OTUD7B: variants seen among roughly 807,000 people sequenced by gnomAD.
The protein encoded by OTUD7B is OTU domain-containing protein 7B.
A neutral mutation model predicts 82.2 loss-of-function variants in OTUD7B; 34 were observed. The ratio of observed to expected loss-of-function variants is 0.41; its 90% CI spans 0.31 to 0.55. The LOEUF (loss-of-function observed/expected upper bound fraction) is 0.55, where lower values mean the gene tolerates loss of function less well. Among genes scored for constraint, OTUD7B ranks in the 20% least tolerant of loss-of-function variants. OTUD7B has a pLI of 0.20. For synonymous variants in OTUD7B, 398 were observed against 402.7 expected (o/e 0.99, Z 0.14); for missense variants, 944 against 1,062.1 (o/e 0.89, Z 1.55).
At chr1:150,047,348 C>T in the OTUD7B span, among the ~76,000 whole-genome samples, 1 of 152,122 alleles carries the variant, frequency 6.6e-6, no homozygotes, top group East Asian at 1.9e-4. Context: ...AACTGCAAAC[C>T]TTATGCATCT....
chr1:150,054,936 G>T, the OTUD7B span: 1 of 299,072 alleles, frequency 3.3e-6, no homozygotes, highest in Non-Finnish European at 6.8e-6. Flanking sequence ...TGGACTCACA[G>T]ATTTTAACCA....
intron 1 of OTUD7B, among the ~76,000 whole-genome samples, chr1:150,005,627 GT>G (rs200194429): frequency 0.019 from 2,879 of 150,400 alleles, 78 homozygotes; most frequent in African/African-American, 0.064. Flanking sequence ...ATGTGATTTT[GT>G]TTACTTCTTA....
chr1:149,948,973 C>A lies in OTUD7B; in HGVS notation c.1234G>T (p.Ala412Ser). The A allele has an allele frequency of 6.2e-7, 1 of 1,604,018 alleles. No homozygotes were observed. The highest frequency in any genetic ancestry group is 8.5e-7 in the Non-Finnish European group (1 of 1,170,812). ...AAAAGACTAGGCCTGGCTTACCTGG[C>A]CAATCGGACATTGTCACTATCATCT... Reference protein sequence around the residue: ...GKDDSDNVRLASVILSLEVKL... With the variant: ...GKDDSDNVRLSSVILSLEVKL... The change falls in exon 10 of 12, where the codon GCC (alanine) becomes TCC (serine). Residue 412 changes from alanine (A) to serine (S), a missense_variant. Ala to Ser is a moderately conservative substitution (Grantham distance 99). Transcript: ENST00000581312.
chr1:149,985,970 A>G (rs1553780660), intron 1 of OTUD7B, among the ~76,000 whole-genome samples: 1 of 151,878 alleles, frequency 6.6e-6, no homozygotes, highest in East Asian at 1.9e-4. Context: ...AAACTAACTT[A>G]AGTACTACCT....
the OTUD7B span, among the ~76,000 whole-genome samples, chr1:150,019,845 A>T: frequency 3.3e-5 from 5 of 152,020 alleles, no homozygotes; most frequent in African/African-American, 9.7e-5. Flanking sequence ...TGTTATTTAG[A>T]ACCCAACCAG....
At chr1:150,023,107 G>T in the OTUD7B span, among the ~76,000 whole-genome samples, 1 of 152,142 alleles carries the variant, frequency 6.6e-6, no homozygotes, top group Non-Finnish European at 1.5e-5. Flanking sequence ...GTCACTAGAC[G>T]ACCCAGAATA....
intron 3 of OTUD7B, among the ~76,000 whole-genome samples, chr1:149,968,498 T>C (rs144008117): frequency 1.0e-3 from 156 of 152,260 alleles, no homozygotes; most frequent in Middle Eastern, 6.8e-3. Context: ...AAGCAGATAT[T>C]CCACTGTGAT....
the OTUD7B span, among the ~76,000 whole-genome samples, chr1:150,029,791 G>A: frequency 9.9e-5 from 15 of 152,086 alleles, no homozygotes; most frequent in Admixed American, 2.0e-4. Flanking sequence ...AGATGCTGTC[G>A]TCTCTGAAAT....
the OTUD7B span, among the ~76,000 whole-genome samples, chr1:150,017,331 GA>G: frequency 6.6e-6 from 1 of 152,192 alleles, no homozygotes; most frequent in Admixed American, 6.5e-5. Context: ...GCTGGGTTAA[GA>G]GATTAAAAAA....
intron 1 of OTUD7B, among the ~76,000 whole-genome samples, chr1:149,986,825 G>C (rs1302832099): frequency 1.3e-5 from 2 of 152,180 alleles, no homozygotes; most frequent in African/African-American, 4.8e-5. Flanking sequence ...TAATTGTCTT[G>C]GCAATTTGTT....
the OTUD7B span, among the ~76,000 whole-genome samples, chr1:150,048,866 C>G: frequency 6.6e-6 from 1 of 152,014 alleles, no homozygotes; most frequent in Non-Finnish European, 1.5e-5. Context: ...GGAGTCTCAC[C>G]CTGTCACCCA....
At chr1:150,027,252 A>G in the OTUD7B span, among the ~76,000 whole-genome samples, 8 of 152,188 alleles carry the variant, frequency 5.3e-5, no homozygotes, top group African/African-American at 1.9e-4. Context: ...TCTATAGGGA[A>G]TACAGAGAGG....
chr1:150,051,245 A>AAC, the OTUD7B span, among the ~76,000 whole-genome samples: 1 of 151,148 alleles, frequency 6.6e-6, no homozygotes, highest in South Asian at 2.1e-4. Context: ...AAAAAAAAAA[A>AAC]AAAACCACCA....
the OTUD7B span, among the ~76,000 whole-genome samples, chr1:150,055,200 G>A: frequency 1.3e-5 from 2 of 151,972 alleles, no homozygotes; most frequent in Admixed American, 1.3e-4. Context: ...ACCACGCCCG[G>A]CTAATTTTTT....
the OTUD7B span, among the ~76,000 whole-genome samples, chr1:150,034,321 T>C: frequency 6.6e-6 from 1 of 152,212 alleles, no homozygotes; most frequent in Non-Finnish European, 1.5e-5. Context: ...TCTGCTCCAA[T>C]ATAATAATAA....
chr1:150,056,044 T>C, the OTUD7B span, among the ~76,000 whole-genome samples: 1 of 151,946 alleles, frequency 6.6e-6, no homozygotes, highest in Non-Finnish European at 1.5e-5. Flanking sequence ...AATAAAAGTT[T>C]AAATAAATAA....
At chr1:149,971,589 A>G (rs1649942564) in intron 2 of OTUD7B, among the ~76,000 whole-genome samples, 2 of 152,192 alleles carry the variant, frequency 1.3e-5, no homozygotes, top group Admixed American at 1.3e-4. Context: ...AGTCACAGCT[A>G]GTTCACACCA....
the OTUD7B span, among the ~76,000 whole-genome samples, chr1:150,065,933 TAGTA>T: frequency 5.3e-5 from 8 of 151,416 alleles, no homozygotes; most frequent in African/African-American, 1.2e-4. Flanking sequence ...TGGAATGAGT[TAGTA>T]AGTGTCAAGT....
chr1:149,944,311 G>C lies in OTUD7B; in HGVS notation c.2078C>G (p.Pro693Arg), dbSNP rs782557628. Residue 693 changes from proline (P) to arginine (R), a missense_variant, in exon 12 of 12, where the codon CCT (proline) becomes CGT (arginine). Transcript: ENST00000581312. ...SRAMAFSTGYPGDFTIPRPSG... is the reference protein window; with the variant it reads ...SRAMAFSTGYRGDFTIPRPSG... ...CGGCCGAGGGATAGTAAAGTCCCCA[G>C]GGTAGCCAGTGGAAAATGCCATTGC... 7.4e-6 allele frequency: 12 copies of C among 1,611,192 alleles called. No homozygotes were observed. Among genetic ancestry groups the C allele is most frequent in the Admixed American group, 1.7e-5 (1 of 59,886 alleles).
Sources: gnomAD v4.1 joint callset for allele counts (sites outside exome capture counted in the v4.1 genomes callset) on GRCh38, gnomAD v4.1.1 for gene constraint, MANE v1.5 for transcripts, NCBI Gene and HGNC (gene_info 2026-07-23, HGNC 2026-07-21) for gene names.